PECAM1: variants seen among roughly 807,000 people sequenced by gnomAD.
The protein encoded by PECAM1 is platelet and endothelial cell adhesion molecule 1.
In PECAM1, 8 loss-of-function variants were observed where a neutral mutation model predicts 13.8. The observed-to-expected ratio is 0.58, with a 90% CI of 0.34 to 1.05. The LOEUF is 1.05. PECAM1 is among the 50% of genes least tolerant of loss of function. PECAM1 has a pLI of 0.03. For synonymous variants in PECAM1, 136 were observed against 52.6 expected (o/e 2.58, Z -6.86); for missense variants, 304 against 141.2 (o/e 2.15, Z -5.84).
At chr17:64,373,403 A>G in intron 4 of PECAM1, among the ~76,000 whole-genome samples, 1 of 152,276 alleles carries the variant, frequency 6.6e-6, no homozygotes, top group East Asian at 1.9e-4. Context: ...TCTGAGTTCT[A>G]AAATGAGATA....
chr17:64,340,491 C>T lies in PECAM1; in HGVS notation c.2164+1143G>A, dbSNP rs981869967. Among the ~76,000 whole-genome samples, 5 of 152,236 alleles carry T rather than the reference C, an allele frequency of 3.3e-5. No homozygotes were observed. In the East Asian group the frequency reaches 9.7e-4, roughly 29 times the overall value. Reference sequence around the variant, plus strand: ...GGTCTGCTGTACAAAGCGAGATACTCACACAGTCACTATTTCCCCCACAAT... The same window carrying T: ...GGTCTGCTGTACAAAGCGAGATACTTACACAGTCACTATTTCCCCCACAAT... On this transcript the variant is annotated intron_variant, in intron 14 of 15. Coordinates refer to ENST00000563924, the MANE Select transcript of PECAM1 (RefSeq NM_000442.5).
intron 14 of PECAM1, among the ~76,000 whole-genome samples, chr17:64,336,812 C>T (rs1048026511): frequency 2.9e-4 from 44 of 151,462 alleles, no homozygotes; most frequent in African/African-American, 9.0e-4. Context: ...TCACTGTGAT[C>T]GTGCCACTGC....
rs1261564074 is a variant in PECAM1 at position 64,319,986 on chromosome 17, G to A, written c.*3830C>T. The A allele has an allele frequency of 6.6e-6, 1 of 152,182 alleles. No homozygotes were observed. Among genetic ancestry groups the A allele is most frequent in the Non-Finnish European group, 1.5e-5 (1 of 68,058 alleles). 9.4% of individuals were successfully genotyped at this position (152,182 alleles called of 1,614,324 possible). A position where few individuals can be genotyped will look rare whatever the true frequency, so the allele number is the denominator to read the frequency against. ...GGGGGCCCTCACCTGTCCTGCTCAT[G>A]TTTGCCTAGCTCCCTACTCTAACAT... On this transcript the variant is annotated 3_prime_UTR_variant, in exon 16 of 16. Coordinates refer to ENST00000563924, the MANE Select transcript of PECAM1 (RefSeq NM_000442.5).
intron 13 of PECAM1, among the ~76,000 whole-genome samples, chr17:64,346,432 G>C (rs113378673): frequency 9.9e-5 from 15 of 152,112 alleles, no homozygotes; most frequent in African/African-American, 3.6e-4. Flanking sequence ...TGCCTCCCGG[G>C]TTCAAGCGAT....
chr17:64,328,970 G>T (rs1041430779), intron 15 of PECAM1, among the ~76,000 whole-genome samples: 6 of 152,082 alleles, frequency 3.9e-5, no homozygotes, highest in Admixed American at 3.3e-4. Flanking sequence ...TCTTAACAAG[G>T]CATGTAAATC....
At chr17:64,359,191 C>A (rs1311578948) in intron 7 of PECAM1, among the ~76,000 whole-genome samples, 1 of 152,064 alleles carries the variant, frequency 6.6e-6, no homozygotes, top group African/African-American at 2.4e-5. Context: ...CACCAGCAGC[C>A]CATGTAGATA....
chr17:64,346,430 G>A (rs1192481622), intron 13 of PECAM1, among the ~76,000 whole-genome samples: 1 of 152,082 alleles, frequency 6.6e-6, no homozygotes. Context: ...TCTGCCTCCC[G>A]GGTTCAAGCG....
intron 7 of PECAM1, among the ~76,000 whole-genome samples, chr17:64,359,281 T>C (rs1160002261): frequency 2.0e-5 from 3 of 152,080 alleles, no homozygotes; most frequent in African/African-American, 4.8e-5. Context: ...ATCTAAGACA[T>C]GCAAGCAATG....
At position 64,346,746 on chromosome 17, in the gene PECAM1, G is replaced by T. The variant is rs2035579244; in HGVS notation, c.2107+1514C>A. ...TTCCCCAGCATAGAACCAGAGACAGGGACTTCCAGGCCAGCCTGCCCTTGA... is the reference window on the plus strand; with the variant it reads ...TTCCCCAGCATAGAACCAGAGACAGTGACTTCCAGGCCAGCCTGCCCTTGA... On this transcript the variant is annotated intron_variant, in intron 13 of 15. Transcript: ENST00000563924. 3.9e-5 allele frequency among the ~76,000 whole-genome samples: 6 copies of T among 152,150 alleles called. No homozygotes were observed. In the South Asian group the frequency reaches 1.2e-3, roughly 32 times the overall value.
chr17:64,359,854 G>A (rs1266979027), intron 7 of PECAM1, among the ~76,000 whole-genome samples: 1 of 151,968 alleles, frequency 6.6e-6, no homozygotes, highest in African/African-American at 2.4e-5. Flanking sequence ...CTGGGTTCAA[G>A]CAATTCTCCT....
chr17:64,360,226 G>A lies in PECAM1; in HGVS notation c.1406C>T (p.Thr469Ile). 1.1e-5 allele frequency: 5 copies of A among 475,410 alleles called. No individual in the cohort carries two copies. Among genetic ancestry groups the A allele is most frequent in the Non-Finnish European group, 1.9e-5 (5 of 259,054 alleles). The allele number at this position is 475,410 out of a possible 1,614,324, so 29.4% of individuals were successfully genotyped here. A position where few individuals can be genotyped will look rare whatever the true frequency, so the allele number is the denominator to read the frequency against. The change falls in exon 7 of 16, where the codon ACT becomes ATT. Residue 469 changes from threonine (T) to isoleucine (I), a missense_variant. Physicochemically the swap from Thr to Ile is moderately conservative, Grantham distance 89. Transcript: ENST00000563924. Reference sequence around the variant, plus strand: ...AACACACTGGTATTCGACGTCTTCAGTGGGGTTGTCTTTGAATACCGCAGG... The same window carrying A: ...AACACACTGGTATTCGACGTCTTCAATGGGGTTGTCTTTGAATACCGCAGG... ...NDPAVFKDNP[T>I]EDVEYQCVAD...
In PECAM1 at chr17:64,323,248, T is replaced by C; in HGVS notation, c.*568A>G. ...CAGGTTGGTATTTCACAGGCGGTGC[T>C]CCCAAGTAGTCTGGTTTTCCCATTT... On this transcript the variant is annotated 3_prime_UTR_variant, in exon 16 of 16. Coordinates refer to ENST00000563924, the MANE Select transcript of PECAM1 (RefSeq NM_000442.5). The C allele has an allele frequency of 1.0e-6, 1 of 991,912 alleles. No homozygotes were observed. Among genetic ancestry groups the C allele is most frequent in the Non-Finnish European group, 1.2e-6 (1 of 833,844 alleles). 61.4% of individuals were successfully genotyped at this position (991,912 alleles called of 1,614,324 possible). A position where few individuals can be genotyped will look rare whatever the true frequency, so the allele number is the denominator to read the frequency against.
At chr17:64,331,199 C>CT (rs10708569) in intron 14 of PECAM1, among the ~76,000 whole-genome samples, 10,181 of 142,406 alleles carry the variant, frequency 0.071, 458 homozygotes, top group Non-Finnish European at 0.11. Flanking sequence ...ACACCACCTT[C>CT]TTTTTTTTTT....
rs2036400757 is a variant in PECAM1 at position 64,378,008 on chromosome 17, G to C, written c.201C>G (p.Val67=). The C allele has an allele frequency of 2.1e-6, 1 of 475,214 alleles. No individual in the cohort carries two copies. The highest frequency in any genetic ancestry group is 3.2e-5 in the Admixed American group (1 of 31,728). 29.4% of individuals were successfully genotyped at this position (475,214 alleles called of 1,614,324 possible). Residue 67 remains valine (V), a synonymous_variant, in exon 3 of 16, where the codon GTC becomes GTG. Transcript: ENST00000563924. ...CFADVSTTSH[V]KPQHQMLFYK... Reference sequence around the variant, plus strand: ...AGAACAGCATCTGGTGCTGAGGCTTGACGTGAGAGGTGGTGCTGACATCCG... The same window carrying C: ...AGAACAGCATCTGGTGCTGAGGCTTCACGTGAGAGGTGGTGCTGACATCCG...
chr17:64,387,588 G>T (rs901283061), intron 2 of PECAM1, among the ~76,000 whole-genome samples: 8 of 152,256 alleles, frequency 5.3e-5, no homozygotes, highest in Admixed American at 2.6e-4. Context: ...GGTGAGGAAG[G>T]GTCTCAGCCT....
At chr17:64,376,623 T>A (rs1452347613) in intron 3 of PECAM1, among the ~76,000 whole-genome samples, 1 of 152,166 alleles carries the variant, frequency 6.6e-6, no homozygotes, top group African/African-American at 2.4e-5. Flanking sequence ...TCTTTACAAT[T>A]TCACTATCCA....
intron 5 of PECAM1, among the ~76,000 whole-genome samples, chr17:64,363,728 C>A (rs2036038757): frequency 6.6e-6 from 1 of 152,096 alleles, no homozygotes; most frequent in African/African-American, 2.4e-5. Context: ...GGGTGGATCA[C>A]CTGAGGTCAG....
chr17:64,330,268 C>A (rs1156686566), intron 14 of PECAM1, among the ~76,000 whole-genome samples: 1 of 152,066 alleles, frequency 6.6e-6, no homozygotes, highest in Admixed American at 6.5e-5. Context: ...ATCTGCCAAC[C>A]CTGGCCTCCC....
In PECAM1 at chr17:64,356,268, C is replaced by G. The variant is rs975405952; in HGVS notation, c.1623G>C (p.Glu541Asp). The G allele has an allele frequency of 2.1e-6, 1 of 474,774 alleles. No homozygotes were observed. The highest frequency in any genetic ancestry group is 3.9e-6 in the Non-Finnish European group (1 of 259,010). 29.4% of individuals were successfully genotyped at this position (474,774 alleles called of 1,614,324 possible). Reference protein sequence around the residue: ...PITYKFYREKEGKPFYQMTSN... With the variant: ...PITYKFYREKDGKPFYQMTSN... ...AGGTCATTTGATAGAAGGGTTTGCC[C>G]TCTTTTTCTCTGTAAAACTTATAGG... Residue 541 changes from glutamate to aspartate, a missense_variant, in exon 8 of 16, where the codon GAG becomes GAC. Transcript: ENST00000563924.
Sources: allele counts gnomAD v4.1 joint callset (sites outside exome capture counted in the v4.1 genomes callset), GRCh38; gene constraint gnomAD v4.1.1; transcripts MANE v1.5; gene names NCBI Gene and HGNC (gene_info 2026-07-23, HGNC 2026-07-21).